ENTREP2: variants seen among roughly 807,000 people sequenced by gnomAD.
ENTREP2 encodes the protein endosomal transmembrane epsin interactor 2.
chr15:29,284,482 A>T, the ENTREP2 span, among the ~76,000 whole-genome samples: 6 of 150,366 alleles, frequency 4.0e-5, no homozygotes, highest in Admixed American at 2.0e-4. Flanking sequence ...GCTTGAACCC[A>T]GGAGGCAGAG....
the ENTREP2 span, among the ~76,000 whole-genome samples, chr15:29,662,959 C>G: frequency 1.3e-5 from 2 of 151,858 alleles, no homozygotes; most frequent in African/African-American, 4.8e-5. Context: ...GTGATCCGCC[C>G]GCCTCGGCCT....
the ENTREP2 span, among the ~76,000 whole-genome samples, chr15:29,565,942 T>C: frequency 2.0e-5 from 3 of 148,920 alleles, no homozygotes; most frequent in Non-Finnish European, 1.5e-5. Flanking sequence ...GCCTGGGCGA[T>C]AGAGCAAGGC....
the ENTREP2 span, among the ~76,000 whole-genome samples, chr15:29,451,577 C>T: frequency 4.6e-5 from 7 of 152,208 alleles, no homozygotes; most frequent in Non-Finnish European, 8.8e-5. Flanking sequence ...TGACTCGGGG[C>T]GTGACTGAAA....
At chr15:29,563,536 C>A in the ENTREP2 span, among the ~76,000 whole-genome samples, 1 of 152,104 alleles carries the variant, frequency 6.6e-6, no homozygotes, top group Non-Finnish European at 1.5e-5. Flanking sequence ...GTAGTTTTTA[C>A]AATTTCTGAT....
the ENTREP2 span, among the ~76,000 whole-genome samples, chr15:29,487,288 G>A: frequency 1.3e-5 from 2 of 152,152 alleles, no homozygotes; most frequent in African/African-American, 2.4e-5. Context: ...AGAAGCCTGA[G>A]AAGACCCCAG....
At chr15:29,238,118 G>A in the ENTREP2 span, among the ~76,000 whole-genome samples, 1 of 152,188 alleles carries the variant, frequency 6.6e-6, no homozygotes, top group Non-Finnish European at 1.5e-5. Flanking sequence ...CATATTATGT[G>A]ATTCCATTCA....
the ENTREP2 span, among the ~76,000 whole-genome samples, chr15:29,487,115 A>G: frequency 6.6e-6 from 1 of 152,262 alleles, no homozygotes. Context: ...CACATTGTAT[A>G]CACATATTGA....
the ENTREP2 span, among the ~76,000 whole-genome samples, chr15:29,549,258 A>C: frequency 2.7e-5 from 4 of 149,790 alleles, no homozygotes; most frequent in African/African-American, 5.0e-5. Flanking sequence ...AAATCTGCAA[A>C]ACTAGATTTG....
At chr15:29,538,590 C>G in the ENTREP2 span, among the ~76,000 whole-genome samples, 1 of 140,020 alleles carries the variant, frequency 7.1e-6, no homozygotes, top group South Asian at 2.2e-4. Context: ...ATCAGGAGAT[C>G]GAGACCATCC....
chr15:29,505,426 C>T, the ENTREP2 span, among the ~76,000 whole-genome samples: 1 of 152,238 alleles, frequency 6.6e-6, no homozygotes, highest in Non-Finnish European at 1.5e-5. The surrounding 1 kb of genome is among the most constrained non-coding windows in gnomAD (Gnocchi z 4.3). Context: ...ATTGCCTCCT[C>T]TAGTGGGTCC....
At chr15:29,247,905 C>G in the ENTREP2 span, among the ~76,000 whole-genome samples, 1 of 152,222 alleles carries the variant, frequency 6.6e-6, no homozygotes, top group African/African-American at 2.4e-5. Context: ...CAGAACTGCA[C>G]CCTGGCAAGT....
chr15:29,383,956 C>G, the ENTREP2 span, among the ~76,000 whole-genome samples: 6 of 152,224 alleles, frequency 3.9e-5, no homozygotes, highest in Admixed American at 2.0e-4. Context: ...CCATGCCACC[C>G]AGGCTCCTTG....
At chr15:29,603,489 A>T in the ENTREP2 span, among the ~76,000 whole-genome samples, 1 of 151,814 alleles carries the variant, frequency 6.6e-6, no homozygotes, top group African/African-American at 2.4e-5. Flanking sequence ...TGCAAAGATG[A>T]CTCCTGAGCA....
chr15:29,657,221 T>TC, the ENTREP2 span, among the ~76,000 whole-genome samples: 1 of 151,556 alleles, frequency 6.6e-6, no homozygotes, highest in African/African-American at 2.4e-5. Flanking sequence ...CCAGCTTTTT[T>TC]TTTTTCTTTT....
chr15:29,315,776 G>A, the ENTREP2 span, among the ~76,000 whole-genome samples: 4 of 152,060 alleles, frequency 2.6e-5, no homozygotes, highest in Non-Finnish European at 5.9e-5. Context: ...AAAGACAAAT[G>A]AAAGACAAAT....
chr15:29,542,060 G>T, the ENTREP2 span, among the ~76,000 whole-genome samples: 1 of 152,204 alleles, frequency 6.6e-6, no homozygotes, highest in Non-Finnish European at 1.5e-5. Context: ...CCAGACTGGA[G>T]GGCAGTGGTG....
At chr15:29,491,561 A>C in the ENTREP2 span, among the ~76,000 whole-genome samples, 2 of 152,270 alleles carry the variant, frequency 1.3e-5, no homozygotes, top group East Asian at 3.9e-4. Context: ...GAAGGCTTTA[A>C]ATCTAAAGAG....
the ENTREP2 span, among the ~76,000 whole-genome samples, chr15:29,644,725 C>G: frequency 7.2e-4 from 108 of 150,914 alleles, no homozygotes; most frequent in Non-Finnish European, 1.3e-3. Flanking sequence ...ATTGCTTGAA[C>G]CGGGGAGGTG....
the ENTREP2 span, among the ~76,000 whole-genome samples, chr15:29,443,825 C>T: frequency 6.6e-6 from 1 of 151,994 alleles, no homozygotes; most frequent in South Asian, 2.1e-4. Flanking sequence ...AAAGAAGGGG[C>T]CGGGCGCGGT....
Sources: allele counts gnomAD v4.1 joint callset (sites outside exome capture counted in the v4.1 genomes callset), GRCh38; gene constraint gnomAD v4.1.1; non-coding constraint Gnocchi (gnomAD v3.1); transcripts MANE v1.5; gene names NCBI Gene and HGNC (gene_info 2026-07-23, HGNC 2026-07-21).